The following SYNE2 variants were observed in gnomAD, a reference collection of about 807,000 sequenced individuals.
SYNE2 encodes the protein nesprin-2.
SYNE2 carries 431 observed loss-of-function variants against 856.3 expected under a neutral mutation model. The ratio of observed to expected loss-of-function variants is 0.50; its 90% CI spans 0.47 to 0.55. The LOEUF is 0.55. Ranked by LOEUF, SYNE2 falls within the 20% of genes least tolerant of loss-of-function variation. The probability of loss-of-function intolerance (pLI) is 0.00; values close to 1 mark genes in which losing one functional copy is unlikely to be tolerated. For missense variants in SYNE2, 8,129 were observed against 8,023.2 expected (o/e 1.01, Z -0.50); for synonymous variants, 2,923 against 2,872.3 (o/e 1.02, Z -0.56).
intron 96 of SYNE2, among the ~76,000 whole-genome samples, chr14:64,184,329 G>GGTGGGTGTGTGT: frequency 6.9e-6 from 1 of 144,256 alleles, no homozygotes; most frequent in Non-Finnish European, 1.5e-5. Context: ...TATGCATAGG[G>GGTGGGTGTGTGT]GTGTGTGTGT....
rs572496522 is a variant in SYNE2, at chr14:63,796,221, G to A, written c.-305+34235G>A. Among the ~76,000 whole-genome samples the A allele has an allele frequency of 2.0e-5, 3 of 152,288 alleles. No homozygotes were observed. In the East Asian group the frequency reaches 5.8e-4, roughly 29 times the overall value. On this transcript the variant is annotated intron_variant, in intron 1 of 23. Coordinates refer to the SYNE2 transcript ENST00000674003. The stretch of plus-strand genomic sequence containing the variant: ...CACACCTGTAATCTGAGCACTTTGG[G>A]AGTCCACTGCAGGCAGATCACAAGG...
Position 64,132,413 on chromosome 14 carries a change from G to T in SYNE2, c.14489G>T (p.Gly4830Val). 2 of 1,614,200 alleles carry T rather than the reference G, an allele frequency of 1.2e-6. No homozygotes were observed. The highest frequency in any genetic ancestry group is 2.2e-5 in the South Asian group (2 of 91,080). The change falls in exon 77 of 116, where the codon GGT becomes GTT. Residue 4830 changes from glycine (G) to valine (V), a missense_variant. Physicochemically the swap from Gly to Val is moderately radical, Grantham distance 109. Transcript: ENST00000555002. ...CTAGAAGAAAAGTCACGCCAATGTG[G>T]TATGAAGCTGCAGAGTTTGTTGCAG... ...KILEEKSRQC[G>V]MKLQSLLQKW...
intron 45 of SYNE2, among the ~76,000 whole-genome samples, chr14:64,040,686 C>CAT (rs148250797): frequency 0.017 from 2,379 of 142,838 alleles, 69 homozygotes; most frequent in African/African-American, 0.057. Context: ...ATATTTCTGC[C>CAT]ATATATATAT....
Position 64,121,999 on chromosome 14 carries a change from C to T in SYNE2, c.13159-13C>T. ...TTGATGGATTGGACCATTTGAATCT[C>T]ATTCAATTACAGGTTCTGGAGTTAA... On this transcript the variant is annotated splice_polypyrimidine_tract_variant and intron_variant, in intron 68 of 115. Coordinates refer to ENST00000555002, the MANE Select transcript of SYNE2 (RefSeq NM_182914.3). 6.2e-7 allele frequency: 1 copy of T among 1,613,020 alleles called. No homozygotes were observed. The highest frequency in any genetic ancestry group is 8.5e-7 in the Non-Finnish European group (1 of 1,179,898).
intron 1 of SYNE2, among the ~76,000 whole-genome samples, chr14:63,790,233 C>G (rs1049714383): frequency 6.6e-6 from 1 of 151,892 alleles, no homozygotes; most frequent in Non-Finnish European, 1.5e-5. Context: ...TCAGGAGGTT[C>G]AGGTGGGGGG....
chr14:64,016,389 C>A, intron 32 of SYNE2, 84 bp from the exon 33 acceptor site: 2 of 902,766 alleles, frequency 2.2e-6, no homozygotes, highest in Non-Finnish European at 3.4e-6. Flanking sequence ...TGTTTTTAAG[C>A]TCAATATCCA....
At chr14:64,170,504 C>A in intron 94 of SYNE2, 42 bp downstream of exon 94, 1 of 1,539,748 alleles carries the variant, frequency 6.5e-7, no homozygotes, top group South Asian at 1.2e-5. Context: ...ACAGGGTGGT[C>A]ATTGTTTGCA....
chr14:63,898,392 C>T (rs1016385404), intron 1 of SYNE2, among the ~76,000 whole-genome samples: 1 of 151,944 alleles, frequency 6.6e-6, no homozygotes, highest in African/African-American at 2.4e-5. Context: ...TCTTGTTTTA[C>T]CTTATTTTGT....
chr14:63,956,338 G>A, intron 8 of SYNE2: 1 of 450,234 alleles, frequency 2.2e-6, no homozygotes, highest in Admixed American at 2.4e-5. Context: ...TAATTGGGAA[G>A]TGATAAGTTT....
intron 1 of SYNE2, among the ~76,000 whole-genome samples, chr14:63,818,123 A>G (rs910504776): frequency 2.6e-5 from 4 of 151,766 alleles, no homozygotes; most frequent in Non-Finnish European, 5.9e-5. Context: ...AGGTGGGCAC[A>G]TCACAAGGTC....
intron 1 of SYNE2, among the ~76,000 whole-genome samples, chr14:63,809,408 T>C (rs902386130): frequency 6.6e-5 from 10 of 152,192 alleles, no homozygotes; most frequent in African/African-American, 2.4e-4. Flanking sequence ...TCTTTTATTG[T>C]TCTTTTGGTT....
chr14:64,107,410 A>C, intron 64 of SYNE2, 81 bp from the exon 65 acceptor site: 1 of 1,279,964 alleles, frequency 7.8e-7, no homozygotes, highest in South Asian at 1.2e-5. Flanking sequence ...GGTAGTTTGT[A>C]AAATGAGCAT....
intron 65 of SYNE2, among the ~76,000 whole-genome samples, chr14:64,112,169 C>G (rs12590378): frequency 0.084 from 12,795 of 152,158 alleles, 725 homozygotes; most frequent in East Asian, 0.16. Flanking sequence ...ACTGAAAGTT[C>G]TATGTCTAAA....
At chr14:63,951,976 A>G (rs1017003458) in intron 7 of SYNE2, among the ~76,000 whole-genome samples, 1 of 152,146 alleles carries the variant, frequency 6.6e-6, no homozygotes, top group African/African-American at 2.4e-5. Context: ...GGTTTATCCT[A>G]GTTTTGGCCA....
intron 1 of SYNE2, among the ~76,000 whole-genome samples, chr14:63,806,052 T>C (rs1171993196): frequency 6.6e-6 from 1 of 152,188 alleles, no homozygotes; most frequent in Non-Finnish European, 1.5e-5. Flanking sequence ...ATCTTTTGCT[T>C]GTTCCAGTTC....
intron 1 of SYNE2, among the ~76,000 whole-genome samples, chr14:63,855,887 TA>T (rs1449070461): frequency 6.6e-6 from 1 of 152,120 alleles, no homozygotes; most frequent in African/African-American, 2.4e-5. Flanking sequence ...AAGAAGGGTA[TA>T]ACAGAGTGCT....
At chr14:64,152,798 T>C (rs2098254689) in intron 85 of SYNE2, 82 bp downstream of exon 85, 1 of 1,560,682 alleles carries the variant, frequency 6.4e-7, no homozygotes, top group African/African-American at 1.4e-5. Context: ...TTTCGTCCTT[T>C]ACTCATGGAG....
At position 63,934,896 on chromosome 14, in the gene SYNE2, G is replaced by A. The variant is rs578163442; in HGVS notation, c.80-5718G>A. Among the ~76,000 whole-genome samples the A allele has an allele frequency of 2.2e-3, 328 of 152,204 alleles. 1 individual carries two copies. The highest frequency in any genetic ancestry group is 0.01 in the Middle Eastern group (3 of 294). On this transcript the variant is annotated intron_variant, in intron 2 of 115. Transcript: ENST00000555002. ...TGCTCTATTGCTAGGAATGGATAGG[G>A]CCCTCTCTGCTTTTACATGTGACCC...
intron 1 of SYNE2, among the ~76,000 whole-genome samples, chr14:63,764,441 G>T (rs550281609): frequency 6.6e-6 from 1 of 152,026 alleles, no homozygotes; most frequent in African/African-American, 2.4e-5. Context: ...AGGCCATAGC[G>T]GGAGGACTGC....
Sources: allele counts gnomAD v4.1 joint callset (sites outside exome capture counted in the v4.1 genomes callset), GRCh38; gene constraint gnomAD v4.1.1; transcripts MANE v1.5; gene names NCBI Gene and HGNC (gene_info 2026-07-23, HGNC 2026-07-21).